PHACTR3: variants seen among roughly 807,000 people sequenced by gnomAD.
PHACTR3 encodes the protein phosphatase and actin regulator 3.
A neutral mutation model predicts 66.8 loss-of-function variants in PHACTR3; 16 were observed. That is an observed-to-expected ratio of 0.24 (90% confidence interval 0.16 to 0.36). PHACTR3 has a LOEUF of 0.36. Among genes scored for constraint, PHACTR3 ranks in the 10% least tolerant of loss-of-function variants. The probability of loss-of-function intolerance (pLI) is 1.00; values close to 1 mark genes in which losing one functional copy is unlikely to be tolerated. For missense variants in PHACTR3, 647 were observed against 719.9 expected, an observed-to-expected ratio of 0.90 and a Z score of 1.16; for synonymous variants, 323 against 292.1, an observed-to-expected ratio of 1.11 and a Z score of -1.08.
At chr20:59,593,282 A>G (rs1380626293) in intron 1 of PHACTR3, among the ~76,000 whole-genome samples, 3 of 152,190 alleles carry the variant, frequency 2.0e-5, no homozygotes, top group Non-Finnish European at 2.9e-5. Flanking sequence ...CTCATGTACT[A>G]CTTAGCATCT....
chr20:59,703,773 T>C (rs950443639), intron 1 of PHACTR3, among the ~76,000 whole-genome samples: 6 of 152,108 alleles, frequency 3.9e-5, no homozygotes, highest in African/African-American at 1.4e-4. Flanking sequence ...GTCGTCCTCA[T>C]TGCTCTATAG....
At chr20:59,819,670 C>T (rs968345176) in intron 8 of PHACTR3, among the ~76,000 whole-genome samples, 2 of 152,140 alleles carry the variant, frequency 1.3e-5, no homozygotes, top group Admixed American at 1.3e-4. Context: ...CCAGTACTGG[C>T]CACCCGTCAA....
rs11907994 is a variant in PHACTR3 at position 59,690,050 on chromosome 20, C to G, written c.119-53057C>G. ...CAGTCTATATCCCTTCCTCAATGTT[C>G]CCATCTTGTTTCACATCTTTCAGTG... On this transcript the variant is annotated intron_variant, in intron 1 of 12. Transcript: ENST00000371015. Among the ~76,000 whole-genome samples, 539 of 152,300 alleles carry G rather than the reference C, an allele frequency of 3.5e-3. 6 individuals carry two copies. Among genetic ancestry groups the G allele is most frequent in the African/African-American group, 0.012 (512 of 41,558 alleles).
intron 1 of PHACTR3, among the ~76,000 whole-genome samples, chr20:59,643,427 G>A (rs2035174577): frequency 6.6e-6 from 1 of 152,142 alleles, no homozygotes; most frequent in Non-Finnish European, 1.5e-5. Flanking sequence ...AGAGCAGTTG[G>A]TCTTTATTAT....
In PHACTR3 at chr20:59,811,616, G is replaced by A. The variant is rs573702727; in HGVS notation, c.1328+5422G>A. Among the ~76,000 whole-genome samples the A allele has an allele frequency of 4.6e-5, 7 of 152,046 alleles. No individual in the cohort carries two copies. In the South Asian group the frequency reaches 1.0e-3, roughly 23 times the overall value. ...AGAGTTTGCAGTGAGCCAAGATCATGCTATTGTACTCCAGCCTGGGCAACA... is the reference window on the plus strand; with the variant it reads ...AGAGTTTGCAGTGAGCCAAGATCATACTATTGTACTCCAGCCTGGGCAACA... On this transcript the variant is annotated intron_variant, in intron 8 of 12. Transcript: ENST00000371015.
chr20:59,671,941 C>T (rs141531569), intron 1 of PHACTR3, among the ~76,000 whole-genome samples: 7 of 152,352 alleles, frequency 4.6e-5, no homozygotes, highest in East Asian at 1.9e-4. Context: ...TGGGAGCAAC[C>T]GTAGGCATGA....
intron 7 of PHACTR3, among the ~76,000 whole-genome samples, chr20:59,779,414 G>A (rs1302856577): frequency 6.6e-6 from 1 of 152,164 alleles, no homozygotes; most frequent in Non-Finnish European, 1.5e-5. Flanking sequence ...GCTTTGCCTG[G>A]TGCAGACAAT....
intron 1 of PHACTR3, among the ~76,000 whole-genome samples, chr20:59,705,571 T>C (rs2037670686): frequency 6.6e-6 from 1 of 152,230 alleles, no homozygotes; most frequent in Non-Finnish European, 1.5e-5. Context: ...AAAATAGTTT[T>C]CAAGTTGGTT....
rs16983082 is a variant in PHACTR3 at position 59,745,886 on chromosome 20, C to T, written c.281-1872C>T. ...CCTCGCAGCTGCATCTTTGGGTCATCGGGAAGTCCTTGAGTCAGTGCAGGC... is the reference window on the plus strand; with the variant it reads ...CCTCGCAGCTGCATCTTTGGGTCATTGGGAAGTCCTTGAGTCAGTGCAGGC... On this transcript the variant is annotated intron_variant, in intron 2 of 12. Coordinates refer to ENST00000371015, the MANE Select transcript of PHACTR3 (RefSeq NM_080672.5). Among the ~76,000 whole-genome samples, 646 of 152,304 alleles carry T rather than the reference C, an allele frequency of 4.2e-3. 3 individuals are homozygous for T. Among genetic ancestry groups the T allele is most frequent in the African/African-American group, 0.015 (605 of 41,584 alleles).
At chr20:59,803,721 G>A (rs1471529412) in intron 7 of PHACTR3, among the ~76,000 whole-genome samples, 4 of 152,166 alleles carry the variant, frequency 2.6e-5, no homozygotes, top group African/African-American at 4.8e-5. Context: ...CCTCTGACTG[G>A]ATGTTTACGT....
chr20:59,639,337 C>A (rs1178300847), intron 1 of PHACTR3, among the ~76,000 whole-genome samples: 1 of 152,150 alleles, frequency 6.6e-6, no homozygotes, highest in Non-Finnish European at 1.5e-5. Flanking sequence ...GAGAAAGGAG[C>A]ACCTGCAGGA....
At position 59,830,594 on chromosome 20, in the gene PHACTR3, G is replaced by A. The variant is rs577240424; in HGVS notation, c.1329-5911G>A. 6.6e-6 allele frequency among the ~76,000 whole-genome samples: 1 copy of A among 152,348 alleles called. No homozygotes were observed. Among genetic ancestry groups the A allele is most frequent in the South Asian group, 2.1e-4 (1 of 4,830 alleles). On this transcript the variant is annotated intron_variant, in intron 8 of 12. Transcript: ENST00000371015. This position sits in a 1 kb window ranked among gnomAD's most constrained non-coding sequence, Gnocchi z 5.8. ...CTGCAAGGAGGCGCTGGGCAGGATGGAGCCTGCAGCTCTGCTGGCTGAAGG... is the reference window on the plus strand; with the variant it reads ...CTGCAAGGAGGCGCTGGGCAGGATGAAGCCTGCAGCTCTGCTGGCTGAAGG...
intron 1 of PHACTR3, among the ~76,000 whole-genome samples, chr20:59,605,799 A>T (rs899528914): frequency 1.1e-3 from 135 of 127,062 alleles, no homozygotes; most frequent in African/African-American, 3.9e-3. Context: ...AGGCGTCTAT[A>T]GGGCTTGATT....
At chr20:59,821,975 G>C (rs1432808537) in intron 8 of PHACTR3, among the ~76,000 whole-genome samples, 32 of 56,540 alleles carry the variant, frequency 5.7e-4, no homozygotes, top group African/African-American at 2.5e-3. Flanking sequence ...TACCCTTTCT[G>C]CAGCGATCCC....
chr20:59,596,841 G>C (rs1337825128), intron 1 of PHACTR3, among the ~76,000 whole-genome samples: 2 of 152,332 alleles, frequency 1.3e-5, no homozygotes, highest in East Asian at 3.9e-4. Flanking sequence ...GTCACGTGCA[G>C]GCACCAGTGA....
chr20:59,728,817 C>T (rs551054963), intron 1 of PHACTR3, among the ~76,000 whole-genome samples: 160 of 151,914 alleles, frequency 1.1e-3, no homozygotes, highest in African/African-American at 3.7e-3. Context: ...ACCGACAACA[C>T]CAAGTCAGCT....
At chr20:59,759,036 A>G (rs2061871793) in intron 4 of PHACTR3, among the ~76,000 whole-genome samples, 2 of 152,308 alleles carry the variant, frequency 1.3e-5, no homozygotes, top group Admixed American at 1.3e-4. Context: ...TGTTGTCTTC[A>G]TTGTCAAAAA....
intron 1 of PHACTR3, among the ~76,000 whole-genome samples, chr20:59,701,876 G>T (rs2037518757): frequency 6.6e-6 from 1 of 152,194 alleles, no homozygotes; most frequent in South Asian, 2.1e-4. Context: ...CTCTGCTTCT[G>T]CAGAACCCCT....
chr20:59,792,488 G>A (rs1807919594), intron 7 of PHACTR3, among the ~76,000 whole-genome samples: 1 of 152,136 alleles, frequency 6.6e-6, no homozygotes, highest in Admixed American at 6.5e-5. Context: ...TACTTGATGT[G>A]GTCAGTCTTT....
Sources: allele counts gnomAD v4.1 joint callset (sites outside exome capture counted in the v4.1 genomes callset), GRCh38; gene constraint gnomAD v4.1.1; non-coding constraint Gnocchi (gnomAD v3.1); transcripts MANE v1.5; gene names NCBI Gene and HGNC (gene_info 2026-07-23, HGNC 2026-07-21).